Variants in CTNND1 observed in about 807,000 individuals in gnomAD.
CTNND1 encodes catenin delta 1.
CTNND1 carries 16 observed loss-of-function variants against 112.1 expected under a neutral mutation model. That is an observed-to-expected ratio of 0.14 (90% confidence interval 0.10 to 0.22). CTNND1 has a LOEUF of 0.22. CTNND1 is among the 10% of genes least tolerant of loss of function. CTNND1 has a pLI of 1.00. For synonymous variants in CTNND1, 420 were observed against 446.5 expected, an observed-to-expected ratio of 0.94 and a Z score of 0.75; for missense variants, 1,008 against 1,257.0, an observed-to-expected ratio of 0.80 and a Z score of 3.00.
chr11:57,799,671 A>G (rs2061761511), intron 6 of CTNND1, among the ~76,000 whole-genome samples: 1 of 152,222 alleles, frequency 6.6e-6, no homozygotes, highest in African/African-American at 2.4e-5. Context: ...AGAATGTCCA[A>G]TCCACTGCCT....
intron 2 of CTNND1, 56 bp downstream of exon 2, chr11:57,789,211 G>T: frequency 1.7e-6 from 2 of 1,204,952 alleles, no homozygotes; most frequent in Non-Finnish European, 2.2e-6. Flanking sequence ...TAAGAAATAT[G>T]TATTTTTATT....
At chr11:57,804,170 T>G (rs2062363837) in intron 8 of CTNND1, among the ~76,000 whole-genome samples, 1 of 152,238 alleles carries the variant, frequency 6.6e-6, no homozygotes, top group Non-Finnish European at 1.5e-5. Flanking sequence ...CTGTGATAAA[T>G]TCAGCAAAAG....
chr11:57,796,957 G>T lies in CTNND1; in HGVS notation c.921G>T (p.Arg307=). The T allele has an allele frequency of 6.5e-7, 1 of 1,528,816 alleles. No homozygotes were observed. Among genetic ancestry groups the T allele is most frequent in the Non-Finnish European group, 8.9e-7 (1 of 1,129,938 alleles). The allele number at this position is 1,528,816 out of a possible 1,614,324, so 94.7% of individuals were successfully genotyped here. ...GMMSDYGTAR[R]TGTPSDPRRR... is the part of the protein sequence containing the mutation. ...TGTCTGATTATGGCACTGCCCGTCG[G>T]ACTGGGACACCCTCTGACCCTCGTC... is the stretch of plus-strand genomic sequence containing the variant. Residue 307 remains arginine (R), a synonymous_variant, in exon 6 of 21, where the codon CGG becomes CGT. Transcript: ENST00000399050.
Position 57,815,436 on chromosome 11 carries a change from G to T in CTNND1, c.2744G>T (p.Arg915Ile), listed in dbSNP as rs11570222. 3.7e-6 allele frequency: 6 copies of T among 1,611,464 alleles called. No individual in the cohort carries two copies. Among genetic ancestry groups the T allele is most frequent in the Non-Finnish European group, 5.1e-6 (6 of 1,178,984 alleles). The change falls in exon 19 of 21, where the codon AGA becomes ATA. Residue 915 changes from arginine to isoleucine, a missense_variant. By Grantham distance (97) the Arg-to-Ile change is moderately conservative. Around this residue, in one of 5 missense-constraint regions of CTNND1, gnomAD observed 106 missense variants for 116.2 expected, o/e 0.91. Coordinates refer to ENST00000399050, the MANE Select transcript of CTNND1 (RefSeq NM_001085458.2). Reference protein sequence around the residue: ...STPNERGDHNRTLDRSGDLGD... With the variant: ...STPNERGDHNITLDRSGDLGD... ...CCAAATGAGAGAGGAGACCACAATA[G>T]AACACTGGATCGATCGGGGGATCTA...
intron 1 of CTNND1, among the ~76,000 whole-genome samples, chr11:57,775,845 G>T (rs1176739302): frequency 1.3e-5 from 2 of 152,196 alleles, no homozygotes; most frequent in Admixed American, 1.3e-4. Flanking sequence ...GATGGGTGCT[G>T]TGTGTGCTCC....
At chr11:57,809,591 C>A in intron 15 of CTNND1, 125 bp downstream of exon 15, 1 of 779,776 alleles carries the variant, frequency 1.3e-6, no homozygotes, top group Non-Finnish European at 2.0e-6. Flanking sequence ...AGCTATTGCT[C>A]TATTATCTGT....
intron 1 of CTNND1, among the ~76,000 whole-genome samples, chr11:57,772,846 C>CCTCTTT (rs1555039051): frequency 1.1e-4 from 16 of 151,840 alleles, no homozygotes; most frequent in African/African-American, 2.9e-4. Flanking sequence ...TCTCCCTCTC[C>CCTCTTT]CTCTTTCTCT....
rs2064061264 is a variant in CTNND1, at chr11:57,817,898, A to G, written c.*1590A>G. On this transcript the variant is annotated 3_prime_UTR_variant, in exon 21 of 21. Coordinates refer to ENST00000399050, the MANE Select transcript of CTNND1 (RefSeq NM_001085458.2). ...CCTTCTACTCCCCTTAATCTAATCT[A>G]AAAGCTCTGTTCCATGCAACTGGAG... 6.6e-6 allele frequency: 1 copy of G among 152,496 alleles called. No homozygotes were observed. Among genetic ancestry groups the G allele is most frequent in the African/African-American group, 2.4e-5 (1 of 41,374 alleles). 9.4% of individuals were successfully genotyped at this position (152,496 alleles called of 1,614,324 possible).
chr11:57,796,664 C>A lies in CTNND1; in HGVS notation c.628C>A (p.Pro210Thr). 1 of 1,614,034 alleles carries A rather than the reference C, an allele frequency of 6.2e-7. No individual in the cohort carries two copies. The highest frequency in any genetic ancestry group is 8.5e-7 in the Non-Finnish European group (1 of 1,179,884). ...ATLPRNFHYP[P>T]DGYSRHYEDG... ...CCTTCCTAGGAACTTCCACTACCCTCCTGATGGTTATAGTCGCCACTATGA... is the reference window on the plus strand; with the variant it reads ...CCTTCCTAGGAACTTCCACTACCCTACTGATGGTTATAGTCGCCACTATGA... Residue 210 changes from proline (P) to threonine (T), a missense_variant, in exon 6 of 21, where the codon CCT becomes ACT. Around this residue, in one of 5 missense-constraint regions of CTNND1, gnomAD observed 404 missense variants for 457.9 expected, o/e 0.88. Coordinates refer to ENST00000399050, the MANE Select transcript of CTNND1 (RefSeq NM_001085458.2).
At chr11:57,815,825 G>A in intron 19 of CTNND1, 90 bp from the exon 20 acceptor site, 1 of 1,124,916 alleles carries the variant, frequency 8.9e-7, no homozygotes, top group Non-Finnish European at 1.3e-6. Flanking sequence ...TTTTGTTTGA[G>A]TTTACAAATT....
Position 57,811,695 on chromosome 11 carries a change from CCTTT to C in CTNND1, c.2638+210_2638+213del, listed in dbSNP as rs376845890. On this transcript the variant is annotated intron_variant, in intron 17 of 20. Coordinates refer to ENST00000399050, the MANE Select transcript of CTNND1 (RefSeq NM_001085458.2). ...ACAGGTAATTAGCCTGAATGTGATT[CCTTT>C]ATCATTGCTTGTGAACTTAAAACAC... Among the ~76,000 whole-genome samples, 183 of 152,246 alleles carry C rather than the reference CCTTT, an allele frequency of 1.2e-3. 1 individual carries two copies. The highest frequency in any genetic ancestry group is 4.3e-3 in the African/African-American group (177 of 41,544).
At chr11:57,804,854 A>C in intron 9 of CTNND1, 74 bp downstream of exon 9, 1 of 1,057,716 alleles carries the variant, frequency 9.5e-7, no homozygotes, top group South Asian at 1.4e-5. Context: ...TAGGTCAGAG[A>C]CCTATCATCT....
chr11:57,807,650 C>CT (rs1277609163), intron 12 of CTNND1, among the ~76,000 whole-genome samples: 5 of 140,904 alleles, frequency 3.5e-5, no homozygotes, highest in Middle Eastern at 3.7e-3. Flanking sequence ...ACTTTTTGTA[C>CT]TTTACTAAAA....
rs962112561 is a variant in CTNND1 at position 57,806,009 on chromosome 11, G to T, written c.1850G>T (p.Ser617Ile). The T allele has an allele frequency of 6.2e-7, 1 of 1,611,612 alleles. No homozygotes were observed. Among genetic ancestry groups the T allele is most frequent in the Non-Finnish European group, 8.5e-7 (1 of 1,178,702 alleles). The change falls in exon 10 of 21, where the codon AGT becomes ATT. Residue 617 changes from serine to isoleucine, a missense_variant. This residue lies in a region of CTNND1 where 254 missense variants were observed against 279.5 expected (regional missense o/e 0.91). Coordinates refer to ENST00000399050, the MANE Select transcript of CTNND1 (RefSeq NM_001085458.2). ...AACAATACTGGGCCACATGCTGCCA[G>T]TTGCTTTGGGGCCAAGAAGGGCAAA... ...VANNTGPHAA[S>I]CFGAKKGKDE...
At position 57,803,684 on chromosome 11, in the gene CTNND1, A is replaced by G; in HGVS notation, c.1484A>G (p.His495Arg). ...IKMEIVDHAL[H>R]ALTDEVIIPH... ...ATGGAGATTGTGGACCATGCACTGC[A>G]TGCCTTGACAGATGAAGTGATCATT... The change falls in exon 8 of 21, where the codon CAT becomes CGT. Residue 495 changes from histidine to arginine, a missense_variant. By Grantham distance (29) the His-to-Arg change is conservative. Around this residue, in one of 5 missense-constraint regions of CTNND1, gnomAD observed 216 missense variants for 342.8 expected, o/e 0.63. Coordinates refer to ENST00000399050, the MANE Select transcript of CTNND1 (RefSeq NM_001085458.2). 6.2e-7 allele frequency: 1 copy of G among 1,613,808 alleles called. No individual in the cohort carries two copies. Among genetic ancestry groups the G allele is most frequent in the Non-Finnish European group, 8.5e-7 (1 of 1,179,820 alleles).
In CTNND1 at chr11:57,808,231, C is replaced by T. The variant is rs1200835100; in HGVS notation, c.2030C>T (p.Thr677Ile). The T allele has an allele frequency of 1.9e-6, 3 of 1,613,942 alleles. No individual in the cohort carries two copies. The highest frequency in any genetic ancestry group is 1.7e-6 in the Non-Finnish European group (2 of 1,179,812). Residue 677 changes from threonine to isoleucine, a missense_variant, in exon 13 of 21, where the codon ACT becomes ATT. Transcript: ENST00000399050. ...ATCTCACTTCTTAAGGAGAGCAAGA[C>T]TCCTGCCATCCTAGAAGCCTCAGCT... ...IYISLLKESK[T>I]PAILEASAGA...
At chr11:57,784,153 C>T (rs2059897079) in intron 1 of CTNND1, among the ~76,000 whole-genome samples, 1 of 151,748 alleles carries the variant, frequency 6.6e-6, no homozygotes, top group African/African-American at 2.4e-5. Context: ...AACTCCTGGG[C>T]TCAAGTGATC....
chr11:57,816,392 G>C lies in CTNND1; in HGVS notation c.*84G>C. On this transcript the variant is annotated 3_prime_UTR_variant, in exon 21 of 21. Coordinates refer to ENST00000399050, the MANE Select transcript of CTNND1 (RefSeq NM_001085458.2). ...TGACTGATGATTTTCCTTTTTCTTC[G>C]CTGGACTATTGTGCCAACTGCCAGG... 6.4e-7 allele frequency: 1 copy of C among 1,568,220 alleles called. No individual in the cohort carries two copies. Among genetic ancestry groups the C allele is most frequent in the South Asian group, 1.1e-5 (1 of 89,784 alleles).
chr11:57,763,932 G>C (rs368322791), intron 1 of CTNND1: 3 of 152,322 alleles, frequency 2.0e-5, no homozygotes, highest in Non-Finnish European at 4.4e-5. Context: ...CTAGTGTCCA[G>C]GACTATTTCC....
Sources: allele counts gnomAD v4.1 joint callset (sites outside exome capture counted in the v4.1 genomes callset), GRCh38; gene constraint gnomAD v4.1.1; regional missense constraint gnomAD v4.1.1; transcripts MANE v1.5; gene names NCBI Gene and HGNC (gene_info 2026-07-23, HGNC 2026-07-21).